The following GLDC variants were observed in gnomAD, a reference collection of about 807,000 sequenced individuals.
GLDC encodes glycine dehydrogenase (decarboxylating), mitochondrial.
GLDC carries 104 observed loss-of-function variants against 121.3 expected under a neutral mutation model. The ratio of observed to expected loss-of-function variants is 0.86; its 90% CI spans 0.73 to 1.01. GLDC has a LOEUF of 1.01. GLDC is among the 50% of genes least tolerant of loss of function. The probability of loss-of-function intolerance (pLI) is 0.00; values close to 1 mark genes in which losing one functional copy is unlikely to be tolerated. For missense variants in GLDC, 1,429 were observed against 1,306.6 expected (o/e 1.09, Z -1.44); for synonymous variants, 546 against 480.6 (o/e 1.14, Z -1.78).
intron 2 of GLDC, among the ~76,000 whole-genome samples, chr9:6,621,652 G>A (rs143853720): frequency 0.04 from 6,147 of 152,084 alleles, 421 homozygotes; most frequent in African/African-American, 0.14. Context: ...TGAGTAGCTG[G>A]GACTACAGTC....
intron 22 of GLDC, among the ~76,000 whole-genome samples, chr9:6,538,334 T>A (rs979722435): frequency 1.3e-5 from 2 of 152,208 alleles, no homozygotes; most frequent in Non-Finnish European, 2.9e-5. Flanking sequence ...GTGATTCTGA[T>A]AATTGGTCTG....
At chr9:6,634,746 T>A (rs1297053740) in intron 2 of GLDC, among the ~76,000 whole-genome samples, 1 of 152,110 alleles carries the variant, frequency 6.6e-6, no homozygotes, top group Non-Finnish European at 1.5e-5. Flanking sequence ...GTAAGACTCT[T>A]CCTACCCAGT....
chr9:6,633,975 G>T (rs944679881), intron 2 of GLDC, among the ~76,000 whole-genome samples: 4 of 151,496 alleles, frequency 2.6e-5, no homozygotes, highest in Admixed American at 6.6e-5. Context: ...GACTACAGGC[G>T]CCCGCCACCA....
intron 22 of GLDC, among the ~76,000 whole-genome samples, chr9:6,537,780 T>C (rs576179761): frequency 1.3e-5 from 2 of 151,976 alleles, no homozygotes; most frequent in African/African-American, 4.8e-5. Context: ...ACCTTGTCTC[T>C]ATTAAAAAAA....
intron 21 of GLDC, among the ~76,000 whole-genome samples, chr9:6,543,225 T>C (rs979990722): frequency 6.6e-6 from 1 of 151,962 alleles, no homozygotes; most frequent in Non-Finnish European, 1.5e-5. Context: ...CAATGAGCTA[T>C]GATAATGTGA....
chr9:6,544,554 G>A (rs938519612), intron 21 of GLDC, among the ~76,000 whole-genome samples: 1 of 150,096 alleles, frequency 6.7e-6, no homozygotes, highest in Non-Finnish European at 1.5e-5. Flanking sequence ...CAGGAGAATT[G>A]CTTGAGCCGG....
At chr9:6,624,344 A>G (rs959990283) in intron 2 of GLDC, among the ~76,000 whole-genome samples, 32 of 152,330 alleles carry the variant, frequency 2.1e-4, no homozygotes, top group Non-Finnish European at 7.3e-5. Flanking sequence ...CCGTAATCCA[A>G]TGATTGGTGT....
In GLDC at chr9:6,618,439, C is replaced by T. The variant is rs574265853; in HGVS notation, c.470+1745G>A. 7.2e-5 allele frequency among the ~76,000 whole-genome samples: 11 copies of T among 152,252 alleles called. No individual in the cohort carries two copies. The South Asian group carries it at 2.3e-3, about 32-fold the overall frequency. ...TCTCCTGCCTCAGCCTCCCAACTAG[C>T]TGCGATTACAGGCATGCACCACCAC... On this transcript the variant is annotated intron_variant, in intron 3 of 24. Transcript: ENST00000321612.
rs145817632 is a variant in GLDC at position 6,547,888 on chromosome 9, G to C, written c.2569+2915C>G. Among the ~76,000 whole-genome samples the C allele has an allele frequency of 8.6e-4, 131 of 152,302 alleles. 1 individual carries two copies. Among genetic ancestry groups the C allele is most frequent in the East Asian group, 4.4e-3 (23 of 5,190 alleles). On this transcript the variant is annotated intron_variant, in intron 21 of 24. Coordinates refer to ENST00000321612, the MANE Select transcript of GLDC (RefSeq NM_000170.3). ...CTCACACCCATAACCCCAGCATTTT[G>C]GGAGGCCGAGGTGGGAGGATCACTA...
At chr9:6,580,229 G>A (rs1250748690) in intron 15 of GLDC, among the ~76,000 whole-genome samples, 1 of 152,154 alleles carries the variant, frequency 6.6e-6, no homozygotes, top group Admixed American at 6.5e-5. Flanking sequence ...CTTGACTCTT[G>A]CAGGCTCTCT....
At chr9:6,608,602 C>T (rs1349529647) in intron 4 of GLDC, among the ~76,000 whole-genome samples, 12 of 150,318 alleles carry the variant, frequency 8.0e-5, no homozygotes, top group South Asian at 2.1e-4. Flanking sequence ...AAAAATTAGC[C>T]GGGCGTGGTG....
chr9:6,608,724 C>T (rs189564503), intron 4 of GLDC, among the ~76,000 whole-genome samples: 31 of 150,878 alleles, frequency 2.1e-4, no homozygotes, highest in Non-Finnish European at 2.4e-4. Flanking sequence ...CCAGCCCGGG[C>T]GAAAGAGCGA....
intron 16 of GLDC, among the ~76,000 whole-genome samples, chr9:6,560,743 A>C (rs1270672940): frequency 6.6e-6 from 1 of 152,274 alleles, no homozygotes; most frequent in Non-Finnish European, 1.5e-5. Context: ...CCTGTGGTAC[A>C]CTGAATAACG....
intron 15 of GLDC, among the ~76,000 whole-genome samples, chr9:6,586,429 T>A (rs1374348558): frequency 2.6e-5 from 4 of 152,234 alleles, no homozygotes; most frequent in African/African-American, 9.6e-5. Context: ...TGCTGGAGGC[T>A]GTTGCTTTTG....
At position 6,536,093 on chromosome 9, in the gene GLDC, G is replaced by T. The variant is rs766928717; in HGVS notation, c.2809C>A (p.Arg937Ser). The change falls in exon 23 of 25, where the codon CGC becomes AGC. Residue 937 changes from arginine to serine, a missense_variant. Coordinates refer to ENST00000321612, the MANE Select transcript of GLDC (RefSeq NM_000170.3). ...AGCGGATTGACCCTGGGGTCGATGC[G>T]GCCCTCCTCAATGTCAGCAATTTCC... is the stretch of plus-strand genomic sequence containing the variant. ...RQEIADIEEGRIDPRVNPLKM... is the reference protein window; with the variant it reads ...RQEIADIEEGSIDPRVNPLKM... 1.2e-6 allele frequency: 2 copies of T among 1,613,790 alleles called. No individual in the cohort carries two copies. The highest frequency in any genetic ancestry group is 2.7e-5 in the African/African-American group (2 of 74,920).
At chr9:6,539,852 T>A (rs1488444652) in intron 22 of GLDC, among the ~76,000 whole-genome samples, 199 bp downstream of exon 22, 1 of 152,212 alleles carries the variant, frequency 6.6e-6, no homozygotes, top group Non-Finnish European at 1.5e-5. Flanking sequence ...AGATGCATAT[T>A]TTAATATCTT....
chr9:6,610,112 C>G, intron 4 of GLDC, 80 bp downstream of exon 4: 1 of 1,091,794 alleles, frequency 9.2e-7, no homozygotes. Flanking sequence ...AAGTAATATT[C>G]ACAATATACT....
chr9:6,629,933 A>ATATATATGTGTG (rs1554650744), intron 2 of GLDC, among the ~76,000 whole-genome samples: 1 of 88,670 alleles, frequency 1.1e-5, no homozygotes, highest in African/African-American at 7.8e-5. Context: ...TTTTCACTAT[A>ATATATATGTGTG]TATATATATA....
At position 6,558,699 on chromosome 9, in the gene GLDC, G is replaced by A; in HGVS notation, c.1927-15C>T. The A allele has an allele frequency of 1.9e-6, 3 of 1,614,122 alleles. No homozygotes were observed. Among genetic ancestry groups the A allele is most frequent in the Non-Finnish European group, 2.5e-6 (3 of 1,179,988 alleles). On this transcript the variant is annotated splice_polypyrimidine_tract_variant and intron_variant, in intron 16 of 24. Transcript: ENST00000321612. ...ATGAGGCAAACCTACAGAATAGAAAGGAAGCAAAGAAAGAGCAAAATCATC... is the reference window on the plus strand; with the variant it reads ...ATGAGGCAAACCTACAGAATAGAAAAGAAGCAAAGAAAGAGCAAAATCATC...
Sources: allele counts gnomAD v4.1 joint callset (sites outside exome capture counted in the v4.1 genomes callset), GRCh38; gene constraint gnomAD v4.1.1; transcripts MANE v1.5; gene names NCBI Gene and HGNC (gene_info 2026-07-23, HGNC 2026-07-21).